The following ARSK variants were observed in gnomAD, a reference collection of about 807,000 sequenced individuals.
ARSK encodes arylsulfatase K.
A neutral mutation model predicts 53.2 loss-of-function variants in ARSK; 37 were observed. The ratio of observed to expected loss-of-function variants is 0.70; its 90% confidence interval spans 0.54 to 0.92. The LOEUF (loss-of-function observed/expected upper bound fraction) is 0.92, where lower values mean the gene tolerates loss of function less well. Ranked by LOEUF, ARSK falls within the 40% of genes least tolerant of loss-of-function variation. ARSK has a pLI of 0.00. For synonymous variants in ARSK, 208 were observed against 223.2 expected (o/e 0.93, Z 0.61); for missense variants, 613 against 643.0 (o/e 0.95, Z 0.51).
rs1378472012 is a variant in ARSK, at chr5:95,586,634, T to G, written c.772T>G (p.Ser258Ala). Residue 258 changes from serine (S) to alanine (A), a missense_variant, in exon 5 of 8, where the codon TCT (serine) becomes GCT (alanine). Ser to Ala is a moderately conservative substitution (Grantham distance 99, BLOSUM62 1). Coordinates refer to ENST00000380009, the MANE Select transcript of ARSK (RefSeq NM_198150.3). ...SEMHPVDYYS[S>A]YTKNCTGRFT... The stretch of plus-strand genomic sequence containing the variant: ...AATGCACCCTGTAGATTATTACTCT[T>G]CTTATACAAAAAACTGCACTGGAAG... 1.2e-6 allele frequency: 2 copies of G among 1,611,562 alleles called. No homozygotes were observed. The highest frequency in any genetic ancestry group is 1.7e-6 in the Non-Finnish European group (2 of 1,178,766).
chr5:95,575,976 G>A (rs952551080), intron 3 of ARSK, among the ~76,000 whole-genome samples: 1 of 152,008 alleles, frequency 6.6e-6, no homozygotes, highest in Non-Finnish European at 1.5e-5. Context: ...TTAGAGGAAG[G>A]ACTTTCAGTT....
At position 95,596,823 on chromosome 5, in the gene ARSK, C is replaced by G. The variant is rs375856005; in HGVS notation, c.1097-4024C>G. Among the ~76,000 whole-genome samples, 5 of 151,998 alleles carry G rather than the reference C, an allele frequency of 3.3e-5. No homozygotes were observed. The South Asian group carries it at 1.0e-3, about 32-fold the overall frequency. On this transcript the variant is annotated intron_variant, in intron 6 of 7. Transcript: ENST00000380009. ...TACTTTATTTAAAAGTTTGAATTTA[C>G]AAGTCATTTTTTAAAAGGTATTTTA...
At chr5:95,598,915 A>G (rs558442019) in intron 6 of ARSK, among the ~76,000 whole-genome samples, 1 of 152,268 alleles carries the variant, frequency 6.6e-6, no homozygotes, top group South Asian at 2.1e-4. Context: ...CCTCCTCGGG[A>G]CACTGTCTAA....
At position 95,593,591 on chromosome 5, in the gene ARSK, A is replaced by G. The variant is rs189532248; in HGVS notation, c.1096+1966A>G. On this transcript the variant is annotated intron_variant, in intron 6 of 7. Coordinates refer to ENST00000380009, the MANE Select transcript of ARSK (RefSeq NM_198150.3). ...TCATAAAAGTTAAAGGTCATCTGCA[A>G]ACTAGCAGATTTCATAATGTATTTA... Among the ~76,000 whole-genome samples, 33 of 152,336 alleles carry G rather than the reference A, an allele frequency of 2.2e-4. 1 individual carries two copies. Among genetic ancestry groups the G allele is most frequent in the African/African-American group, 7.2e-4 (30 of 41,582 alleles).
At chr5:95,591,372 T>G (rs1191969687) in intron 5 of ARSK, 29 bp from the exon 6 acceptor site, 10 of 1,553,740 alleles carry the variant, frequency 6.4e-6, no homozygotes, top group Non-Finnish European at 7.1e-6. Context: ...CTGAAAGTTT[T>G]AATCGGTTTA....
chr5:95,603,485 G>C lies in ARSK; in HGVS notation c.1570G>C (p.Asp524His), dbSNP rs780516721. ...ACCAAGGAAGTATGAAAATGCAATT[G>C]ATCAGTGGCTTAAAACCCATATGAA... The part of the protein sequence containing the change: ...KEPRKYENAI[D>H]QWLKTHMNPR... Residue 524 changes from aspartate (D) to histidine (H), a missense_variant, in exon 8 of 8, where the codon GAT becomes CAT. By Grantham distance (81) the Asp-to-His change is moderately conservative (BLOSUM62 -1). Coordinates refer to ENST00000380009, the MANE Select transcript of ARSK (RefSeq NM_198150.3). 4 of 1,612,286 alleles carry C rather than the reference G, an allele frequency of 2.5e-6. No homozygotes were observed. Among genetic ancestry groups the C allele is most frequent in the Non-Finnish European group, 3.4e-6 (4 of 1,179,458 alleles).
chr5:95,578,501 T>C (rs1460529540), intron 3 of ARSK, among the ~76,000 whole-genome samples: 2 of 152,076 alleles, frequency 1.3e-5, no homozygotes, highest in East Asian at 1.9e-4. Context: ...TCCTTTTTTT[T>C]CTTACAGAAT....
At position 95,565,103 on chromosome 5, in the gene ARSK, A is replaced by G. The variant is rs973528673; in HGVS notation, c.127-895A>G. On this transcript the variant is annotated intron_variant, in intron 1 of 7. Transcript: ENST00000380009. ...ATTTATTTATAATTATGTTGAAAACATATAATAGATAGAACTCCAGGACTG... is the reference window on the plus strand; with the variant it reads ...ATTTATTTATAATTATGTTGAAAACGTATAATAGATAGAACTCCAGGACTG... Among the ~76,000 whole-genome samples, 3 of 152,346 alleles carry G rather than the reference A, an allele frequency of 2.0e-5. No individual in the cohort carries two copies. The East Asian group carries it at 5.8e-4, about 29-fold the overall frequency.
intron 3 of ARSK, among the ~76,000 whole-genome samples, chr5:95,582,517 G>A (rs913672286): frequency 1.3e-5 from 2 of 152,008 alleles, no homozygotes; most frequent in African/African-American, 2.4e-5. Flanking sequence ...AACTATAAAT[G>A]TTTAGTGATA....
At position 95,583,075 on chromosome 5, in the gene ARSK, T is replaced by C; in HGVS notation, c.576T>C (p.Ile192=). Residue 192 remains isoleucine, a synonymous_variant, in exon 4 of 8, where the codon ATT becomes ATC. Transcript: ENST00000380009. ...KAVNWLRKEA[I]NYTEPFVIYL... is the part of the protein sequence containing the mutation. ...TAAACTGGTTAAGAAAGGAAGCAAT[T>C]AATTACACTGAACCATTTGTTATTT... 1 of 1,613,788 alleles carries C rather than the reference T, an allele frequency of 6.2e-7. No homozygotes were observed. The highest frequency in any genetic ancestry group is 8.5e-7 in the Non-Finnish European group (1 of 1,179,734).
At chr5:95,598,704 G>A (rs1749351052) in intron 6 of ARSK, among the ~76,000 whole-genome samples, 1 of 152,072 alleles carries the variant, frequency 6.6e-6, no homozygotes, top group East Asian at 1.9e-4. Flanking sequence ...CTTTAATTAG[G>A]CTTTGAGAGT....
chr5:95,556,117 C>T (rs1457654527), intron 1 of ARSK: 7 of 664,348 alleles, frequency 1.1e-5, no homozygotes, highest in Middle Eastern at 2.6e-4. Flanking sequence ...TATTATCACT[C>T]GGTGTTACTG....
chr5:95,586,435 A>G, intron 4 of ARSK, 127 bp from the exon 5 acceptor site: 1 of 716,148 alleles, frequency 1.4e-6, no homozygotes, highest in Non-Finnish European at 2.3e-6. Context: ...TTTTATTTAC[A>G]TATTTACACT....
At chr5:95,560,689 C>T (rs952517113) in intron 1 of ARSK, among the ~76,000 whole-genome samples, 6 of 150,830 alleles carry the variant, frequency 4.0e-5, no homozygotes, top group African/African-American at 1.5e-4. Context: ...CAAAAAAAAA[C>T]TTTAAGTAAA....
chr5:95,587,366 A>C (rs1313200516), intron 5 of ARSK, among the ~76,000 whole-genome samples: 3 of 152,216 alleles, frequency 2.0e-5, no homozygotes, highest in Non-Finnish European at 4.4e-5. Context: ...CCTCGTTTAA[A>C]AATCTGTTTT....
At chr5:95,577,046 A>G (rs1025878090) in intron 3 of ARSK, among the ~76,000 whole-genome samples, 3 of 152,230 alleles carry the variant, frequency 2.0e-5, no homozygotes, top group African/African-American at 7.2e-5. Context: ...TAAATCCTAC[A>G]TAATGTGGCC....
rs561813831 is a variant in ARSK, at chr5:95,574,381, C to T, written c.416+6332C>T. 2.0e-5 allele frequency among the ~76,000 whole-genome samples: 3 copies of T among 152,266 alleles called. No individual in the cohort carries two copies. The East Asian group carries it at 5.8e-4, about 29-fold the overall frequency. ...TGTATACCTAGAGAGATTGCTGGAT[C>T]ATATGGCAACTCTATTTTTAGTATT... On this transcript the variant is annotated intron_variant, in intron 3 of 7. Transcript: ENST00000380009.
chr5:95,568,270 G>T (rs1048277302), intron 3 of ARSK, among the ~76,000 whole-genome samples: 8 of 152,054 alleles, frequency 5.3e-5, no homozygotes, highest in Admixed American at 5.2e-4. Context: ...AGCATTAAAG[G>T]TCTATAAATA....
At chr5:95,596,159 G>C (rs1255008863) in intron 6 of ARSK, among the ~76,000 whole-genome samples, 1 of 152,160 alleles carries the variant, frequency 6.6e-6, no homozygotes, top group African/African-American at 2.4e-5. Context: ...CTCAGTGCTG[G>C]AACAGTTTAA....
Sources: allele counts gnomAD v4.1 joint callset (sites outside exome capture counted in the v4.1 genomes callset), GRCh38; gene constraint gnomAD v4.1.1; transcripts MANE v1.5; gene names NCBI Gene and HGNC (gene_info 2026-07-23, HGNC 2026-07-21).